C2: variants seen among roughly 807,000 people sequenced by gnomAD.
C2 encodes complement C2, also known as C3/C5 convertase.
A neutral mutation model predicts 85.2 loss-of-function variants in C2; 64 were observed. The ratio of observed to expected loss-of-function variants is 0.75; its 90% CI spans 0.61 to 0.92. The LOEUF (loss-of-function observed/expected upper bound fraction) is 0.92, where lower values mean the gene tolerates loss of function less well. C2 is among the 40% of genes least tolerant of loss of function. The pLI is 0.00. For synonymous variants in C2, 311 were observed against 370.8 expected, an observed-to-expected ratio of 0.84 and a Z score of 1.85; for missense variants, 820 against 971.6, an observed-to-expected ratio of 0.84 and a Z score of 2.07.
Position 31,934,243 on chromosome 6 carries a change from G to T in C2, c.793G>T (p.Val265Leu). 6.2e-7 allele frequency: 1 copy of T among 1,614,186 alleles called. No individual in the cohort carries two copies. The highest frequency in any genetic ancestry group is 8.5e-7 in the Non-Finnish European group (1 of 1,180,024). ...LYLLLDCSQS[V>L]SENDFLIFKE... ...CCTGCTCCTGGACTGTTCGCAGAGT[G>T]TGTCGGAAAATGACTTTCTCATCTT... Residue 265 changes from valine (V) to leucine (L), a missense_variant, in exon 6 of 18, where the codon GTG becomes TTG. By Grantham distance (32) the Val-to-Leu change is conservative. Transcript: ENST00000299367.
intron 1 of C2, among the ~76,000 whole-genome samples, chr6:31,907,997 C>T (rs1056490195): frequency 6.6e-6 from 1 of 151,620 alleles, no homozygotes; most frequent in African/African-American, 2.4e-5. Context: ...CGGACGTCTG[C>T]CACCACGCCC....
intron 1 of C2, among the ~76,000 whole-genome samples, chr6:31,913,980 G>A (rs1300492455): frequency 2.7e-5 from 4 of 150,686 alleles, no homozygotes; most frequent in Non-Finnish European, 5.9e-5. Context: ...ACCCAGGCGC[G>A]ATCTTGGCTC....
At chr6:31,930,143 G>A (rs549036853) in intron 3 of C2, among the ~76,000 whole-genome samples, 21 of 150,512 alleles carry the variant, frequency 1.4e-4, no homozygotes, top group Non-Finnish European at 1.3e-4. Flanking sequence ...GTGCAATGGC[G>A]CAATCTCAGC....
intron 1 of C2, among the ~76,000 whole-genome samples, chr6:31,902,332 C>T (rs1767401753): frequency 6.6e-6 from 1 of 151,926 alleles, no homozygotes; most frequent in East Asian, 1.9e-4. Flanking sequence ...TCGGGCCCGC[C>T]CCCCAATCCC....
intron 7 of C2, 23 bp downstream of exon 7, chr6:31,936,084 G>C (rs773920592): frequency 1.2e-6 from 2 of 1,612,326 alleles, no homozygotes; most frequent in Non-Finnish European, 1.7e-6. Flanking sequence ...TCACGTGATG[G>C]TGATGAGAGA....
chr6:31,944,324 C>T lies in C2; in HGVS notation c.1902+98C>T, dbSNP rs533333936. On this transcript the variant is annotated intron_variant, in intron 15 of 17. Coordinates refer to ENST00000299367, the MANE Select transcript of C2 (RefSeq NM_000063.6). The surrounding 1 kb of genome is among the most constrained non-coding windows in gnomAD (Gnocchi z 5.1). ...GTCTGGCTGCTTTCTCTCTCTGACG[C>T]GGGTCACCCCTCCTCCCAAGCCTCA... The T allele has an allele frequency of 2.0e-5, 17 of 853,704 alleles. No individual in the cohort carries two copies. The highest frequency in any genetic ancestry group is 1.3e-4 in the African/African-American group (8 of 60,586). 52.9% of individuals were successfully genotyped at this position (853,704 alleles called of 1,614,324 possible). A position where few individuals can be genotyped will look rare whatever the true frequency, so the allele number is the denominator to read the frequency against.
chr6:31,907,703 G>A (rs1350379475), intron 1 of C2, among the ~76,000 whole-genome samples: 2 of 151,428 alleles, frequency 1.3e-5, no homozygotes, highest in Non-Finnish European at 2.9e-5. Context: ...TTTTTAGACA[G>A]AGTCTTGCTC....
chr6:31,912,589 G>A (rs897392720), intron 1 of C2, among the ~76,000 whole-genome samples: 2 of 151,862 alleles, frequency 1.3e-5, no homozygotes, highest in African/African-American at 4.8e-5. Flanking sequence ...CCTGTAATCC[G>A]AGCACTTTGG....
chr6:31,901,051 G>C lies in C2; in HGVS notation c.-16G>C, dbSNP rs376539476. On this transcript the variant is annotated 5_prime_UTR_variant, in exon 1 of 4. Transcript: ENST00000452202. ...CCAAGGCGCCCGTGTAGCAGGAGAGGAGCAAGTCGGCCACGATGCGTGCAC... is the reference window on the plus strand; with the variant it reads ...CCAAGGCGCCCGTGTAGCAGGAGAGCAGCAAGTCGGCCACGATGCGTGCAC... The C allele has an allele frequency of 6.6e-5, 107 of 1,614,204 alleles. No homozygotes were observed. The East Asian group carries it at 1.6e-3, about 25-fold the overall frequency.
At chr6:31,931,930 C>T (rs1410891114) in intron 3 of C2, among the ~76,000 whole-genome samples, 15 of 88,462 alleles carry the variant, frequency 1.7e-4, no homozygotes, top group East Asian at 5.5e-4. Context: ...GCGCGGCTGG[C>T]CGGGCGGGGG....
Position 31,920,463 on chromosome 6 carries a change from G to A in C2, c.-100+437G>A, listed in dbSNP as rs1287406643. 6.6e-6 allele frequency among the ~76,000 whole-genome samples: 1 copy of A among 152,180 alleles called. No individual in the cohort carries two copies. On this transcript the variant is annotated intron_variant, in intron 1 of 3. Transcript: ENST00000413154. The surrounding 1 kb of genome is among the most constrained non-coding windows in gnomAD (Gnocchi z 5.6). ...AATGCTAAGCCCAGAGCTGGGGTTG[G>A]GGTGGTGAGGACCGGAGCCAGGGCA...
In C2 at chr6:31,914,640, C is replaced by T. The variant is rs1037346763; in HGVS notation, c.73+13501C>T. ...TAATGAACAAGCAATCGGCCGGGCG[C>T]GGTGGTTCACGCCTGTAATCCCAGC... On this transcript the variant is annotated intron_variant, in intron 1 of 3. Coordinates refer to the C2 transcript ENST00000452202. 4.0e-5 allele frequency among the ~76,000 whole-genome samples: 6 copies of T among 150,198 alleles called. No homozygotes were observed. In the East Asian group the frequency reaches 7.9e-4, roughly 20 times the overall value.
chr6:31,937,236 A>T, intron 7 of C2, 83 bp from the exon 8 acceptor site: 1 of 1,450,644 alleles, frequency 6.9e-7, no homozygotes, highest in Non-Finnish European at 9.6e-7. Flanking sequence ...CATTTCCAAT[A>T]ATTGGGGGAA....
chr6:31,902,798 G>A (rs1036561375), intron 1 of C2, among the ~76,000 whole-genome samples: 2 of 152,090 alleles, frequency 1.3e-5, no homozygotes, highest in African/African-American at 2.4e-5. Flanking sequence ...TTCTTGCCAA[G>A]GCAGTCGCCC....
At chr6:31,900,922 C>T (rs1362657365), upstream of C2, 3 of 1,614,202 alleles carry the variant, frequency 1.9e-6, no homozygotes, top group Non-Finnish European at 2.5e-6. This position sits in a 1 kb window ranked among gnomAD's most constrained non-coding sequence, Gnocchi z 9.7. Context: ...CTATTTTGGG[C>T]TCAATGAACT....
chr6:31,910,567 G>A (rs1582022103), intron 1 of C2, among the ~76,000 whole-genome samples: 1 of 151,934 alleles, frequency 6.6e-6, no homozygotes. Context: ...AGCACAAAAT[G>A]TATTACATTA....
Position 31,945,603 on chromosome 6 carries a change from A to T in C2, c.*246A>T, listed in dbSNP as rs1771343111. ...CCAGATTCCTTCCCTGGTTGACTTG[A>T]CTCATGCTTGTTTCACTTTCACATG... is the stretch of plus-strand genomic sequence containing the variant. On this transcript the variant is annotated 3_prime_UTR_variant, in exon 18 of 18. Transcript: ENST00000299367. This position sits in a 1 kb window ranked among gnomAD's most constrained non-coding sequence, Gnocchi z 5.3. 1.7e-6 allele frequency: 1 copy of T among 588,228 alleles called. No homozygotes were observed. The highest frequency in any genetic ancestry group is 3.0e-5 in the Admixed American group (1 of 33,572). The allele number at this position is 588,228 out of a possible 1,614,324, so 36.4% of individuals were successfully genotyped here. A position where few individuals can be genotyped will look rare whatever the true frequency, so the allele number is the denominator to read the frequency against.
chr6:31,923,298 A>G (rs1484470201), upstream of C2, among the ~76,000 whole-genome samples: 2 of 152,146 alleles, frequency 1.3e-5, no homozygotes, highest in African/African-American at 2.4e-5. Context: ...TGAATGGAAG[A>G]GTGGGGTGGG....
In C2 at chr6:31,927,924, C is replaced by T; in HGVS notation, c.47-31C>T. 1 of 1,600,200 alleles carries T rather than the reference C, an allele frequency of 6.2e-7. No homozygotes were observed. Among genetic ancestry groups the T allele is most frequent in the Non-Finnish European group, 8.6e-7 (1 of 1,167,332 alleles). On this transcript the variant is annotated intron_variant, in intron 1 of 17. Transcript: ENST00000299367. This position sits in a 1 kb window ranked among gnomAD's most constrained non-coding sequence, Gnocchi z 4.7. ...CTCATCTGTGTCTTCCTTCTTTCTC[C>T]ATTGCTGTCTCCTTGTTCCCACGGC...
Sources: allele counts gnomAD v4.1 joint callset (sites outside exome capture counted in the v4.1 genomes callset), GRCh38; gene constraint gnomAD v4.1.1; non-coding constraint Gnocchi (gnomAD v3.1); transcripts MANE v1.5; gene names NCBI Gene and HGNC (gene_info 2026-07-23, HGNC 2026-07-21).